The following TUBGCP3 variants were observed in gnomAD, a reference collection of about 807,000 sequenced individuals.
The protein encoded by TUBGCP3 is gamma-tubulin complex component 3.
In TUBGCP3, 50 loss-of-function variants were observed where a neutral mutation model predicts 123.1. The ratio of observed to expected loss-of-function variants is 0.41; its 90% CI spans 0.32 to 0.51. TUBGCP3 has a LOEUF of 0.51. Ranked by LOEUF, TUBGCP3 falls within the 20% of genes least tolerant of loss-of-function variation. The pLI is 0.36. For synonymous variants in TUBGCP3, 405 were observed against 413.9 expected (o/e 0.98, Z 0.26); for missense variants, 882 against 1,127.0 (o/e 0.78, Z 3.11).
chr13:112,598,437 G>A, the TUBGCP3 span, among the ~76,000 whole-genome samples: 1 of 151,680 alleles, frequency 6.6e-6, no homozygotes, highest in Non-Finnish European at 1.5e-5. Flanking sequence ...AATGTCTTAG[G>A]TTTAACATAT....
At position 112,518,939 on chromosome 13, in the gene TUBGCP3, TTGTAAATACTATAAAATGA is replaced by T; in HGVS notation, c.1950+17_1950+35del. Reference sequence around the variant, plus strand: ...ACAAAATGTTTAACAATCTTAATAGTTGTAAATACTATAAAATGATGCAGGATAATCTTACAGTTGCAAT... The same window carrying T: ...ACAAAATGTTTAACAATCTTAATAGTTGCAGGATAATCTTACAGTTGCAAT... On this transcript the variant is annotated intron_variant, in intron 16 of 21. Transcript: ENST00000261965. 1 of 1,571,988 alleles carries T rather than the reference TTGTAAATACTATAAAATGA, an allele frequency of 6.4e-7. No individual in the cohort carries two copies. The highest frequency in any genetic ancestry group is 8.8e-7 in the Non-Finnish European group (1 of 1,141,784).
chr13:112,580,998 C>T (rs1287084907), intron 1 of TUBGCP3, among the ~76,000 whole-genome samples: 1 of 151,308 alleles, frequency 6.6e-6, no homozygotes, highest in East Asian at 1.9e-4. Context: ...AAGTGATCCT[C>T]TTAAAATATA....
chr13:112,537,750 G>C (rs1478244202), intron 11 of TUBGCP3, among the ~76,000 whole-genome samples: 1 of 152,204 alleles, frequency 6.6e-6, no homozygotes, highest in Non-Finnish European at 1.5e-5. Context: ...GCACTCACCA[G>C]AGAAGCCATC....
At chr13:112,505,231 G>A (rs989582000) in intron 17 of TUBGCP3, among the ~76,000 whole-genome samples, 2 of 152,196 alleles carry the variant, frequency 1.3e-5, no homozygotes, top group African/African-American at 2.4e-5. Flanking sequence ...AGATCACACA[G>A]CCATCACCAG....
At chr13:112,566,685 T>C (rs1880973957) in intron 2 of TUBGCP3, among the ~76,000 whole-genome samples, 2 of 152,244 alleles carry the variant, frequency 1.3e-5, no homozygotes, top group Admixed American at 1.3e-4. Flanking sequence ...GCTCTTTCTA[T>C]AGAATGAGAT....
At position 112,545,529 on chromosome 13, in the gene TUBGCP3, T is replaced by G; in HGVS notation, c.1335+170A>C. On this transcript the variant is annotated intron_variant, in intron 11 of 21. Transcript: ENST00000261965. The surrounding 1 kb of genome is among the most constrained non-coding windows in gnomAD (Gnocchi z 4.1). ...ACTCGTGAACTTATCTGCTGTTCAG[T>G]GAGATAACCAGCTGTCGAGGCACTG... 178 of 656,550 alleles carry G rather than the reference T, an allele frequency of 2.7e-4. No homozygotes were observed. Among genetic ancestry groups the G allele is most frequent in the Non-Finnish European group, 3.9e-4 (152 of 392,624 alleles). 40.7% of individuals were successfully genotyped at this position (656,550 alleles called of 1,614,324 possible). A position where few individuals can be genotyped will look rare whatever the true frequency, so the allele number is the denominator to read the frequency against.
intron 8 of TUBGCP3, among the ~76,000 whole-genome samples, chr13:112,548,654 T>C (rs1330101315): frequency 3.3e-5 from 5 of 151,834 alleles, no homozygotes; most frequent in African/African-American, 9.7e-5. Flanking sequence ...AATCAAACAA[T>C]CCCATCAAAA....
intron 10 of TUBGCP3, chr13:112,546,598 T>C (rs547118736): frequency 6.6e-6 from 1 of 152,148 alleles, no homozygotes; most frequent in African/African-American, 2.4e-5. Context: ...GGCTGTGAGA[T>C]TGAATATGGG....
chr13:112,555,234 T>G (rs947188813), intron 6 of TUBGCP3, among the ~76,000 whole-genome samples: 1 of 152,168 alleles, frequency 6.6e-6, no homozygotes, highest in Non-Finnish European at 1.5e-5. Flanking sequence ...AAACACGACA[T>G]GAATCTGCAG....
intron 11 of TUBGCP3, among the ~76,000 whole-genome samples, chr13:112,532,163 A>G (rs1329842882): frequency 6.6e-6 from 1 of 152,222 alleles, no homozygotes; most frequent in Non-Finnish European, 1.5e-5. Flanking sequence ...TGGCAACCGG[A>G]CCAGGGGAAT....
chr13:112,572,225 A>G (rs142387513), intron 1 of TUBGCP3, among the ~76,000 whole-genome samples: 256 of 152,362 alleles, frequency 1.7e-3, no homozygotes, highest in African/African-American at 6.0e-3. Context: ...AGTGAGAGGC[A>G]TGTGACTCTT....
chr13:112,494,192 G>C (rs1378920361), intron 20 of TUBGCP3, among the ~76,000 whole-genome samples: 1 of 152,116 alleles, frequency 6.6e-6, no homozygotes, highest in Non-Finnish European at 1.5e-5. Flanking sequence ...TCTAGCTATG[G>C]GAACGAGGCC....
chr13:112,544,270 A>G (rs191590931), intron 11 of TUBGCP3, among the ~76,000 whole-genome samples: 4,403 of 151,986 alleles, frequency 0.029, 100 homozygotes, highest in African/African-American at 0.063. Flanking sequence ...TGGCTAACAC[A>G]GTGAAACCCC....
In TUBGCP3 at chr13:112,567,820, C is replaced by T. The variant is rs540531102; in HGVS notation, c.184+1332G>A. Among the ~76,000 whole-genome samples the T allele has an allele frequency of 1.3e-5, 2 of 152,358 alleles. 1 individual carries two copies. The highest frequency in any genetic ancestry group is 4.8e-5 in the African/African-American group (2 of 41,574). On this transcript the variant is annotated intron_variant, in intron 2 of 21. Transcript: ENST00000261965. ...GGACCTCCACAGACCATGGGCCAAA[C>T]ACAGTTCATAATGCAACAGCCAGGG...
intron 1 of TUBGCP3, among the ~76,000 whole-genome samples, chr13:112,571,163 T>C (rs1881360671): frequency 6.6e-6 from 1 of 152,254 alleles, no homozygotes; most frequent in Non-Finnish European, 1.5e-5. Context: ...ATGATCTTAA[T>C]GGCATCTAGA....
intron 11 of TUBGCP3, among the ~76,000 whole-genome samples, chr13:112,529,248 T>G (rs1184655142): frequency 2.0e-5 from 3 of 152,202 alleles, no homozygotes; most frequent in Non-Finnish European, 4.4e-5. Flanking sequence ...GGATGGCATT[T>G]TTTTCTTTAC....
At chr13:112,503,588 G>A (rs936350124) in intron 19 of TUBGCP3, among the ~76,000 whole-genome samples, 1 of 151,712 alleles carries the variant, frequency 6.6e-6, no homozygotes, top group African/African-American at 2.4e-5. Flanking sequence ...GGCTAGTCTC[G>A]AACTCCCGAC....
intron 17 of TUBGCP3, among the ~76,000 whole-genome samples, chr13:112,513,794 A>C (rs543934234): frequency 2.0e-5 from 3 of 152,352 alleles, no homozygotes; most frequent in East Asian, 3.9e-4. Flanking sequence ...CTGAAAAAGG[A>C]AATATGGTAG....
At chr13:112,502,836 C>T (rs536322247) in intron 19 of TUBGCP3, among the ~76,000 whole-genome samples, 3 of 152,152 alleles carry the variant, frequency 2.0e-5, no homozygotes, top group Admixed American at 6.5e-5. Flanking sequence ...TGAGCCACTG[C>T]CCCCGGCCTG....
Sources: gnomAD v4.1 joint callset for allele counts (sites outside exome capture counted in the v4.1 genomes callset) on GRCh38, gnomAD v4.1.1 for gene constraint, Gnocchi (gnomAD v3.1) non-coding constraint, MANE v1.5 for transcripts, NCBI Gene and HGNC (gene_info 2026-07-23, HGNC 2026-07-21) for gene names.